Variants in PHF20 observed in about 807,000 individuals in gnomAD.
PHF20 encodes the protein PHD finger protein 20.
In PHF20, 23 loss-of-function variants were observed where a neutral mutation model predicts 113.5. The ratio of observed to expected loss-of-function variants is 0.20; its 90% CI spans 0.15 to 0.29. The LOEUF (loss-of-function observed/expected upper bound fraction) is 0.29. Ranked by LOEUF, PHF20 falls within the 10% of genes least tolerant of loss-of-function variation. The pLI is 1.00. For missense variants in PHF20, 943 were observed against 1,219.6 expected (o/e 0.77, Z 3.38); for synonymous variants, 434 against 457.3 (o/e 0.95, Z 0.65).
intron 9 of PHF20, among the ~76,000 whole-genome samples, chr20:35,895,718 C>T (rs1327577785): frequency 7.9e-6 from 1 of 126,948 alleles, no homozygotes; most frequent in Non-Finnish European, 1.6e-5. Flanking sequence ...CAGAGTTTCA[C>T]TCTTATTGCC....
chr20:35,817,828 C>T (rs964578778), intron 2 of PHF20, among the ~76,000 whole-genome samples: 1 of 151,594 alleles, frequency 6.6e-6, no homozygotes, highest in Non-Finnish European at 1.5e-5. Flanking sequence ...TATTTTTTGG[C>T]CAGGTGTTGT....
intron 2 of PHF20, among the ~76,000 whole-genome samples, chr20:35,812,069 G>A (rs2041989144): frequency 6.6e-6 from 1 of 152,138 alleles, no homozygotes; most frequent in Non-Finnish European, 1.5e-5. Context: ...CACAGCGCCC[G>A]GCCCCTGCTT....
intron 10 of PHF20, among the ~76,000 whole-genome samples, chr20:35,902,175 G>C (rs1197064983): frequency 2.6e-5 from 4 of 152,142 alleles, no homozygotes; most frequent in African/African-American, 9.7e-5. Context: ...GAGTCATCTT[G>C]AGTCACTACA....
chr20:35,806,262 T>A, intron 2 of PHF20, among the ~76,000 whole-genome samples: 1 of 149,342 alleles, frequency 6.7e-6, no homozygotes, highest in Admixed American at 6.8e-5. Flanking sequence ...CAGGCTCAGG[T>A]GATCCTCTCA....
At chr20:35,816,185 G>C (rs1186726393) in intron 2 of PHF20, among the ~76,000 whole-genome samples, 6 of 152,062 alleles carry the variant, frequency 3.9e-5, no homozygotes, top group Non-Finnish European at 7.4e-5. Flanking sequence ...TCGATCTCTT[G>C]ACCTCGTGAT....
intron 2 of PHF20, among the ~76,000 whole-genome samples, chr20:35,839,390 CAAAAAAA>C (rs752680212): frequency 4.4e-5 from 3 of 67,924 alleles, no homozygotes; most frequent in South Asian, 4.7e-4. Flanking sequence ...GATTCCATCT[CAAAAAAA>C]AAAAAAAAAA....
At chr20:35,819,340 G>C (rs567351813) in intron 2 of PHF20, among the ~76,000 whole-genome samples, 175 of 152,232 alleles carry the variant, frequency 1.1e-3, no homozygotes, top group African/African-American at 4.1e-3. Context: ...TTGCTCTGCT[G>C]CCTTCGCCTT....
intron 1 of PHF20, among the ~76,000 whole-genome samples, chr20:35,780,419 G>C (rs1308689043): frequency 3.3e-5 from 5 of 151,212 alleles, no homozygotes; most frequent in Non-Finnish European, 5.9e-5. Flanking sequence ...TAGAGACAGG[G>C]GTTTCGCCAT....
intron 9 of PHF20, among the ~76,000 whole-genome samples, chr20:35,881,183 G>A (rs1297951915): frequency 1.3e-5 from 2 of 149,092 alleles, no homozygotes; most frequent in Non-Finnish European, 3.0e-5. Flanking sequence ...TCAGCCTCCT[G>A]AGTAGCTTGG....
chr20:35,788,658 A>C (rs988686383), intron 1 of PHF20, among the ~76,000 whole-genome samples: 5 of 150,870 alleles, frequency 3.3e-5, no homozygotes, highest in Non-Finnish European at 7.4e-5. Context: ...GCTCACTGCA[A>C]CCTCCACCTC....
intron 9 of PHF20, among the ~76,000 whole-genome samples, chr20:35,886,225 G>A (rs1273420437): frequency 1.3e-5 from 2 of 148,540 alleles, no homozygotes; most frequent in East Asian, 2.0e-4. Context: ...TGCAACCTCC[G>A]CCTCCTGGGT....
chr20:35,904,572 C>T (rs2055163628), intron 10 of PHF20, among the ~76,000 whole-genome samples: 1 of 152,004 alleles, frequency 6.6e-6, no homozygotes, highest in African/African-American at 2.4e-5. Context: ...ATTCCTGGGG[C>T]TTCCAGCAAA....
intron 1 of PHF20, among the ~76,000 whole-genome samples, chr20:35,773,535 T>C (rs1317377903): frequency 6.6e-6 from 1 of 152,172 alleles, no homozygotes; most frequent in African/African-American, 2.4e-5. Flanking sequence ...CAGGGAAGGA[T>C]TCCTCTCCTA....
intron 2 of PHF20, among the ~76,000 whole-genome samples, chr20:35,805,092 C>T (rs533574304): frequency 2.0e-5 from 3 of 151,036 alleles, no homozygotes; most frequent in South Asian, 2.1e-4. Flanking sequence ...CTAGTAGAGC[C>T]GGTGTTTCAC....
chr20:35,882,259 C>A (rs1376993287), intron 9 of PHF20, among the ~76,000 whole-genome samples: 1 of 152,138 alleles, frequency 6.6e-6, no homozygotes, highest in South Asian at 2.1e-4. Context: ...ATTCTCTTGT[C>A]TAACCTGAAT....
intron 1 of PHF20, among the ~76,000 whole-genome samples, chr20:35,773,185 C>G (rs1277866577): frequency 6.6e-6 from 1 of 152,196 alleles, no homozygotes; most frequent in Non-Finnish European, 1.5e-5. Flanking sequence ...ATACAACTCT[C>G]AGAGTGCAGC....
At chr20:35,794,598 A>T (rs1311369580) in intron 1 of PHF20, among the ~76,000 whole-genome samples, 1 of 152,156 alleles carries the variant, frequency 6.6e-6, no homozygotes. Flanking sequence ...CCATTAGATT[A>T]TCCCAAAGCC....
chr20:35,830,854 C>A (rs908242276), intron 2 of PHF20, among the ~76,000 whole-genome samples: 1 of 151,832 alleles, frequency 6.6e-6, no homozygotes, highest in African/African-American at 2.4e-5. Context: ...AGCCCAGCAT[C>A]CATTAGCTCT....
intron 10 of PHF20, among the ~76,000 whole-genome samples, chr20:35,907,306 T>G (rs1386123465): frequency 2.0e-5 from 3 of 152,126 alleles, no homozygotes; most frequent in Admixed American, 1.3e-4. Flanking sequence ...CACCTGCAGC[T>G]TGGGGAGAGG....
Sources: gnomAD v4.1 joint callset for allele counts (sites outside exome capture counted in the v4.1 genomes callset) on GRCh38, gnomAD v4.1.1 for gene constraint, MANE v1.5 for transcripts, NCBI Gene and HGNC (gene_info 2026-07-23, HGNC 2026-07-21) for gene names.